The following PTGDR variants were observed in gnomAD, a reference collection of about 807,000 sequenced individuals.
PTGDR encodes prostaglandin D2 receptor, also known as PGD2 receptor.
A neutral mutation model predicts 17.4 loss-of-function variants in PTGDR; 19 were observed. That is an observed-to-expected ratio of 1.09 (90% CI 0.76 to 1.60). The LOEUF (loss-of-function observed/expected upper bound fraction) is 1.60. PTGDR is among the 40% of genes most tolerant of loss of function. The probability of loss-of-function intolerance (pLI) is 0.00; values close to 1 mark genes in which losing one functional copy is unlikely to be tolerated. For synonymous variants in PTGDR, 267 were observed against 224.2 expected (o/e 1.19, Z -1.71); for missense variants, 526 against 481.9 (o/e 1.09, Z -0.86).
chr14:52,278,758 G>A (rs1348239747), downstream of PTGDR, among the ~76,000 whole-genome samples: 1 of 152,176 alleles, frequency 6.6e-6, no homozygotes, highest in Admixed American at 6.5e-5. Flanking sequence ...CCTCGGCAAT[G>A]ATATTTCTTT....
downstream of PTGDR, among the ~76,000 whole-genome samples, chr14:52,278,835 G>A (rs79509758): frequency 4.0e-3 from 611 of 152,000 alleles, 3 homozygotes; most frequent in African/African-American, 0.014. Flanking sequence ...AAACTAAAGA[G>A]CCTTTGTTTA....
chr14:52,268,730 G>A, intron 1 of PTGDR, 70 bp downstream of exon 1: 1 of 1,470,632 alleles, frequency 6.8e-7, no homozygotes, highest in South Asian at 1.3e-5. Flanking sequence ...CGGGAAGGGT[G>A]GAGCGGATCG....
At chr14:52,278,618 A>C (rs990258773), downstream of PTGDR, among the ~76,000 whole-genome samples, 5 of 152,138 alleles carry the variant, frequency 3.3e-5, no homozygotes, top group African/African-American at 4.8e-5. Flanking sequence ...AAGTATAATA[A>C]TAATAAAGTT....
chr14:52,272,694 T>C (rs969482349), intron 1 of PTGDR, among the ~76,000 whole-genome samples: 1 of 152,114 alleles, frequency 6.6e-6, no homozygotes, highest in Non-Finnish European at 1.5e-5. Context: ...CCTTTAAATC[T>C]ACCTCAGACC....
intron 1 of PTGDR, among the ~76,000 whole-genome samples, chr14:52,272,384 T>C (rs1307842968): frequency 1.3e-5 from 2 of 151,944 alleles, no homozygotes; most frequent in African/African-American, 4.8e-5. Context: ...GGAGGATTGC[T>C]TGGGCCCAGA....
At chr14:52,277,717 T>C (rs930872896), downstream of PTGDR, among the ~76,000 whole-genome samples, 16 of 152,174 alleles carry the variant, frequency 1.1e-4, no homozygotes, top group African/African-American at 3.9e-4. Context: ...TGAAACTTAC[T>C]ACAAATGCAA....
At position 52,275,670 on chromosome 14, in the gene PTGDR, C is replaced by A. The variant is rs12894651; in HGVS notation, c.*706C>A. 6.6e-6 allele frequency: 1 copy of A among 152,260 alleles called. No individual in the cohort carries two copies. The highest frequency in any genetic ancestry group is 6.5e-5 in the Admixed American group (1 of 15,280). The allele number at this position is 152,260 out of a possible 1,614,324, so 9.4% of individuals were successfully genotyped here. On this transcript the variant is annotated 3_prime_UTR_variant, in exon 2 of 2. Coordinates refer to ENST00000306051, the MANE Select transcript of PTGDR (RefSeq NM_000953.3). The stretch of plus-strand genomic sequence containing the variant: ...AAATTCGTTTTTATCTTTTGAAATC[C>A]AGTTTCTTTTGTATTGAGTCAAGGG...
At position 52,268,348 on chromosome 14, in the gene PTGDR, C is replaced by A. The variant is rs779606162; in HGVS notation, c.534C>A (p.Cys178Ter). Reference protein sequence around the residue: ...FMGFGKFVQYCPGTWCFIQMV... With the variant: ...FMGFGKFVQY ...GCTTCGGGAAGTTCGTGCAGTACTG[C>A]CCCGGCACCTGGTGCTTTATCCAGA... Residue 178 changes from cysteine to a stop codon, truncating the protein, a stop_gained, in exon 1 of 2, where the codon TGC (cysteine) becomes TGA (stop). Transcript: ENST00000306051. LOFTEE classifies it high-confidence loss of function. 1.2e-5 allele frequency: 19 copies of A among 1,613,350 alleles called. No individual in the cohort carries two copies. The highest frequency in any genetic ancestry group is 1.6e-4 in the Middle Eastern group (1 of 6,084).
Position 52,268,647 on chromosome 14 carries a change from C to A in PTGDR, c.833C>A (p.Ser278Tyr). 1.3e-6 allele frequency: 2 copies of A among 1,575,782 alleles called. No homozygotes were observed. Among genetic ancestry groups the A allele is most frequent in the Non-Finnish European group, 8.6e-7 (1 of 1,160,356 alleles). ...ATGACCGTGCTCTTCACTATGTGTTCTCTGCCCGTAATTGTGAGTCCCCGG... is the reference window on the plus strand; with the variant it reads ...ATGACCGTGCTCTTCACTATGTGTTATCTGCCCGTAATTGTGAGTCCCCGG... ...ALMTVLFTMC[S>Y]LPVIYRAYYG... Residue 278 changes from serine (S) to tyrosine (Y), a missense_variant, in exon 1 of 2, where the codon TCT becomes TAT. Physicochemically the swap from Ser to Tyr is moderately radical, Grantham distance 144. Coordinates refer to ENST00000306051, the MANE Select transcript of PTGDR (RefSeq NM_000953.3).
intron 1 of PTGDR, chr14:52,269,538 C>T (rs1210913671): frequency 5.2e-6 from 8 of 1,531,558 alleles, no homozygotes; most frequent in Non-Finnish European, 5.2e-6. Flanking sequence ...TCCTTTCTCC[C>T]AAGGTACCTG....
chr14:52,271,305 G>A (rs803006), intron 1 of PTGDR, among the ~76,000 whole-genome samples: 2 of 151,376 alleles, frequency 1.3e-5, no homozygotes, highest in Admixed American at 1.3e-4. Context: ...AACGATTATC[G>A]TCCCAGGAGA....
rs143094066 is a variant in PTGDR at position 52,274,846 on chromosome 14, G to A, written c.962G>A (p.Trp321Ter). The A allele has an allele frequency of 6.2e-7, 1 of 1,610,410 alleles. No individual in the cohort carries two copies. The change falls in exon 2 of 2, where the codon TGG becomes TAG. Residue 321 changes from tryptophan (W) to a stop codon, truncating the protein, a stop_gained. Transcript: ENST00000306051. LOFTEE classifies it high-confidence loss of function. ...FLSVISIVDPWIFIIFRSPVF... is the reference protein window; with the variant it reads ...FLSVISIVDP ...TCTGTGATTTCAATTGTGGACCCTT[G>A]GATTTTTATCATTTTCAGATCTCCA...
In PTGDR at chr14:52,275,268, G is replaced by T; in HGVS notation, c.*304G>T. 2 of 230,348 alleles carry T rather than the reference G, an allele frequency of 8.7e-6. No homozygotes were observed. The highest frequency in any genetic ancestry group is 1.0e-4 in the Admixed American group (2 of 19,880). 14.3% of individuals were successfully genotyped at this position (230,348 alleles called of 1,614,324 possible). On this transcript the variant is annotated 3_prime_UTR_variant, in exon 2 of 2. Coordinates refer to ENST00000306051, the MANE Select transcript of PTGDR (RefSeq NM_000953.3). ...AATTGTCCCTACATTTGTGCTTGGT[G>T]GCCCTATTTTTTTTTTTTAGAGAGG...
At chr14:52,268,720 C>CGGGAAGGG in intron 1 of PTGDR, 60 bp downstream of exon 1, 1 of 1,494,326 alleles carries the variant, frequency 6.7e-7, no homozygotes, top group South Asian at 1.3e-5. Flanking sequence ...GGATGCGGGG[C>CGGGAAGGG]GGGAAGGGTG....
rs2033256372 is a variant in PTGDR, at chr14:52,268,440, T to C, written c.626T>C (p.Leu209Pro). 1 of 1,610,100 alleles carries C rather than the reference T, an allele frequency of 6.2e-7. No individual in the cohort carries two copies. Among genetic ancestry groups the C allele is most frequent in the East Asian group, 2.2e-5 (1 of 44,878 alleles). Reference protein sequence around the residue: ...YSVLYSSLMALLVLATVLCNL... With the variant: ...YSVLYSSLMAPLVLATVLCNL... ...GTGCTCTACTCCAGCCTCATGGCGCTGCTGGTCCTCGCCACCGTGCTGTGC... is the reference window on the plus strand; with the variant it reads ...GTGCTCTACTCCAGCCTCATGGCGCCGCTGGTCCTCGCCACCGTGCTGTGC... Residue 209 changes from leucine to proline, a missense_variant, in exon 1 of 2, where the codon CTG (leucine) becomes CCG (proline). Physicochemically the swap from Leu to Pro is moderately conservative, Grantham distance 98. Coordinates refer to ENST00000306051, the MANE Select transcript of PTGDR (RefSeq NM_000953.3).
rs2033232786 is a variant in PTGDR, at chr14:52,267,927, T to TGGGGCTGCTGGCGCGCTC, written c.121_138dup (p.Leu41_Leu46dup). The TGGGGCTGCTGGCGCGCTC allele has an allele frequency of 6.2e-7, 1 of 1,610,256 alleles. No individual in the cohort carries two copies. The highest frequency in any genetic ancestry group is 8.5e-7 in the Non-Finnish European group (1 of 1,179,058). On this transcript the variant is annotated inframe_insertion, in exon 1 of 2. Transcript: ENST00000306051. ...GGCCTCCTGGGCAACCTGCTGGCCC[T>TGGGGCTGCTGGCGCGCTC]GGGGCTGCTGGCGCGCTCGGGGCTG...
At chr14:52,269,676 A>G in intron 1 of PTGDR, 1 of 751,482 alleles carries the variant, frequency 1.3e-6, no homozygotes, top group Non-Finnish European at 2.1e-6. Flanking sequence ...ATTACTTTCA[A>G]TGGTGAATGA....
intron 1 of PTGDR, 33 bp from the exon 2 acceptor site, chr14:52,274,698 C>T: frequency 6.5e-7 from 1 of 1,530,506 alleles, no homozygotes; most frequent in Non-Finnish European, 9.0e-7. Context: ...TTAACCTTTC[C>T]ACATCATAAT....
chr14:52,274,249 A>G (rs1020419731), intron 1 of PTGDR, among the ~76,000 whole-genome samples: 2 of 152,200 alleles, frequency 1.3e-5, no homozygotes, highest in Admixed American at 1.3e-4. Context: ...GTGTCTCCAT[A>G]CATATGACAT....
Sources: allele counts gnomAD v4.1 joint callset (sites outside exome capture counted in the v4.1 genomes callset), GRCh38; gene constraint gnomAD v4.1.1; transcripts MANE v1.5; gene names NCBI Gene and HGNC (gene_info 2026-07-23, HGNC 2026-07-21).